EIF4EBP2: variants seen among roughly 807,000 people sequenced by gnomAD.
EIF4EBP2 encodes eukaryotic translation initiation factor 4E-binding protein 2.
Under a neutral mutation model 10.3 loss-of-function variants are expected in EIF4EBP2, and 5 were observed. The observed-to-expected ratio is 0.48, with a 90% CI of 0.25 to 1.02. The LOEUF (loss-of-function observed/expected upper bound fraction) is 1.02. Ranked by LOEUF, EIF4EBP2 falls within the 50% of genes least tolerant of loss-of-function variation. The pLI is 0.15. For missense variants in EIF4EBP2, 188 were observed against 162.2 expected, an observed-to-expected ratio of 1.16 and a Z score of -0.86; for synonymous variants, 67 against 61.1, an observed-to-expected ratio of 1.10 and a Z score of -0.45.
intron 1 of EIF4EBP2, among the ~76,000 whole-genome samples, chr10:70,410,683 A>G (rs1202387764): frequency 1.3e-5 from 2 of 152,250 alleles, no homozygotes; most frequent in Non-Finnish European, 2.9e-5. Flanking sequence ...TTTCTTTGTT[A>G]AGTCCTTTCT....
chr10:70,407,080 G>A (rs1347038453), intron 1 of EIF4EBP2, among the ~76,000 whole-genome samples: 4 of 150,778 alleles, frequency 2.7e-5, no homozygotes, highest in African/African-American at 9.8e-5. Context: ...TGTATTTTTA[G>A]TAGAGATAGG....
intron 1 of EIF4EBP2, among the ~76,000 whole-genome samples, chr10:70,416,522 T>C (rs1356241642): frequency 1.4e-5 from 2 of 141,422 alleles, no homozygotes; most frequent in Non-Finnish European, 3.0e-5. Context: ...GAGGTTGCAG[T>C]GAGCCAAGAT....
At chr10:70,411,030 A>G (rs1188778658) in intron 1 of EIF4EBP2, among the ~76,000 whole-genome samples, 1 of 152,160 alleles carries the variant, frequency 6.6e-6, no homozygotes, top group Non-Finnish European at 1.5e-5. Flanking sequence ...GTTCCTTATA[A>G]TGGTTTTTTA....
intron 2 of EIF4EBP2, among the ~76,000 whole-genome samples, chr10:70,421,373 G>A (rs1428559768): frequency 6.6e-6 from 1 of 152,118 alleles, no homozygotes; most frequent in Non-Finnish European, 1.5e-5. Context: ...GTGTTAGTTT[G>A]GAGCAGGGCC....
intron 1 of EIF4EBP2, among the ~76,000 whole-genome samples, chr10:70,416,565 G>A (rs1355224537): frequency 2.3e-5 from 3 of 132,602 alleles, no homozygotes; most frequent in East Asian, 2.1e-4. Flanking sequence ...GTGACATAGC[G>A]AGACTCTGTC....
chr10:70,420,067 A>G lies in EIF4EBP2; in HGVS notation c.299A>G (p.Asn100Ser). The change falls in exon 2 of 3, where the codon AAC becomes AGC. Residue 100 changes from asparagine to serine, a missense_variant. Transcript: ENST00000373218. Reference sequence around the variant, plus strand: ...AAAGTAGAAGTAAACAATTTGAACAACTTGAACAATCACGACAGGAAACAT... The same window carrying G: ...AAAGTAGAAGTAAACAATTTGAACAGCTTGAACAATCACGACAGGAAACAT... ...DSKVEVNNLN[N>S]LNNHDRKHAV... The G allele has an allele frequency of 1.2e-6, 2 of 1,610,378 alleles. No individual in the cohort carries two copies. The highest frequency in any genetic ancestry group is 1.7e-6 in the Non-Finnish European group (2 of 1,178,862).
chr10:70,411,983 CTCT>C (rs900567487), intron 1 of EIF4EBP2, among the ~76,000 whole-genome samples: 4 of 152,146 alleles, frequency 2.6e-5, no homozygotes, highest in African/African-American at 9.7e-5. Flanking sequence ...TAGCTATTCC[CTCT>C]TCTTGCTTGC....
At chr10:70,408,614 T>A (rs1187419356) in intron 1 of EIF4EBP2, among the ~76,000 whole-genome samples, 1 of 152,208 alleles carries the variant, frequency 6.6e-6, no homozygotes, top group Admixed American at 6.5e-5. Flanking sequence ...TTTATTTCCC[T>A]CAACCAGGGT....
At chr10:70,414,225 G>T (rs1845070807) in intron 1 of EIF4EBP2, among the ~76,000 whole-genome samples, 1 of 151,670 alleles carries the variant, frequency 6.6e-6, no homozygotes. Flanking sequence ...GAATAATTTT[G>T]GTTTTTTAAA....
intron 1 of EIF4EBP2, among the ~76,000 whole-genome samples, chr10:70,413,967 TTGACATTAAATTGAGC>T (rs1845068406): frequency 6.6e-6 from 1 of 152,242 alleles, no homozygotes; most frequent in Admixed American, 6.5e-5. Context: ...GCTGCATTGG[TTGACATTAAATTGAGC>T]TGACATAGCG....
At chr10:70,413,433 C>T (rs563232637) in intron 1 of EIF4EBP2, among the ~76,000 whole-genome samples, 3 of 151,964 alleles carry the variant, frequency 2.0e-5, no homozygotes, top group African/African-American at 7.2e-5. Flanking sequence ...TGAGACCAGT[C>T]AGGGCAACGT....
At chr10:70,416,871 T>G (rs1179374098) in intron 1 of EIF4EBP2, among the ~76,000 whole-genome samples, 2 of 152,052 alleles carry the variant, frequency 1.3e-5, no homozygotes, top group Non-Finnish European at 2.9e-5. Context: ...TTTGCCATGT[T>G]GCCCAGGCTG....
At chr10:70,421,291 C>T (rs1011400381) in intron 2 of EIF4EBP2, among the ~76,000 whole-genome samples, 19 of 152,166 alleles carry the variant, frequency 1.2e-4, no homozygotes, top group African/African-American at 4.6e-4. Context: ...TCAGGGACTG[C>T]ACTTGGTGAC....
chr10:70,404,166 C>G lies in EIF4EBP2; in HGVS notation c.-236C>G, dbSNP rs1844942210. Among the ~76,000 whole-genome samples, 1 of 152,232 alleles carries G rather than the reference C, an allele frequency of 6.6e-6. No individual in the cohort carries two copies. The highest frequency in any genetic ancestry group is 2.4e-5 in the African/African-American group (1 of 41,476). ...GCCCGCTTCCGGTCGTCGTCGTCGC[C>G]GCTGCTGCCGCTGCTGTTGCTCCTG... On this transcript the variant is annotated 5_prime_UTR_variant, in exon 1 of 3. Coordinates refer to ENST00000373218, the MANE Select transcript of EIF4EBP2 (RefSeq NM_004096.5).
At chr10:70,409,768 C>T (rs74799670) in intron 1 of EIF4EBP2, among the ~76,000 whole-genome samples, 2,007 of 152,326 alleles carry the variant, frequency 0.013, 38 homozygotes, top group African/African-American at 0.046. Context: ...ACCTCTTTTA[C>T]CCTTTCTCTT....
intron 1 of EIF4EBP2, among the ~76,000 whole-genome samples, chr10:70,413,462 CA>C (rs1271453775): frequency 7.2e-5 from 11 of 151,804 alleles, no homozygotes; most frequent in Non-Finnish European, 1.6e-4. Flanking sequence ...CCCATCTCTA[CA>C]AAATATAAAA....
chr10:70,406,422 T>C (rs560584533), intron 1 of EIF4EBP2, among the ~76,000 whole-genome samples: 3 of 152,254 alleles, frequency 2.0e-5, no homozygotes, highest in Non-Finnish European at 4.4e-5. Flanking sequence ...CCAGAATTCT[T>C]TGTGGTATTG....
chr10:70,418,210 C>T (rs1845117589), intron 1 of EIF4EBP2, among the ~76,000 whole-genome samples: 2 of 152,176 alleles, frequency 1.3e-5, no homozygotes, highest in African/African-American at 2.4e-5. Context: ...GTAAGGGACA[C>T]AAAGAGAAGG....
chr10:70,421,782 C>A lies in EIF4EBP2; in HGVS notation c.*35C>A. 1.2e-6 allele frequency: 2 copies of A among 1,608,212 alleles called. No individual in the cohort carries two copies. On this transcript the variant is annotated 3_prime_UTR_variant, in exon 3 of 3. Transcript: ENST00000373218. ...AAGGATTAGAAGAAAAGCAGCAACACTGATACTTGTGTGCACCTGATTTGG... is the reference window on the plus strand; with the variant it reads ...AAGGATTAGAAGAAAAGCAGCAACAATGATACTTGTGTGCACCTGATTTGG...
Sources: allele counts gnomAD v4.1 joint callset (sites outside exome capture counted in the v4.1 genomes callset), GRCh38; gene constraint gnomAD v4.1.1; transcripts MANE v1.5; gene names NCBI Gene and HGNC (gene_info 2026-07-23, HGNC 2026-07-21).